ADGRL2: variants seen among roughly 807,000 people sequenced by gnomAD.
ADGRL2 encodes the protein adhesion G protein-coupled receptor L2, also known as calcium-independent alpha-latrotoxin receptor 2.
In ADGRL2, 44 loss-of-function variants were observed where a neutral mutation model predicts 157.4. The observed-to-expected ratio is 0.28, with a 90% CI of 0.22 to 0.36. The LOEUF (loss-of-function observed/expected upper bound fraction) is 0.36, where lower values mean the gene tolerates loss of function less well. ADGRL2 is among the 10% of genes least tolerant of loss of function. ADGRL2 has a pLI of 1.00. For missense variants in ADGRL2, 1,510 were observed against 1,768.9 expected (o/e 0.85, Z 2.63); for synonymous variants, 585 against 624.7 (o/e 0.94, Z 0.95).
At chr1:81,889,066 A>G (rs1018444732) in intron 2 of ADGRL2, among the ~76,000 whole-genome samples, 7 of 152,082 alleles carry the variant, frequency 4.6e-5, no homozygotes, top group African/African-American at 9.7e-5. Flanking sequence ...TCCCCCTCTC[A>G]TCAGGCCTCC....
Position 81,721,714 on chromosome 1 carries a change from C to T in ADGRL2, c.-143+21906C>T, listed in dbSNP as rs372541880. ...GACCATGGACCCCCCGCAAAGTGAA[C>T]GAGCAGGCCCTTGTGAAAATGTGTA... On this transcript the variant is annotated intron_variant, in intron 1 of 20. Transcript: ENST00000359929. 8.7e-6 allele frequency: 12 copies of T among 1,384,180 alleles called. No individual in the cohort carries two copies. The African/African-American group carries it at 1.3e-4, about 15-fold the overall frequency. 85.7% of individuals were successfully genotyped at this position (1,384,180 alleles called of 1,614,324 possible).
At chr1:81,589,598 T>G (rs552469874) in intron 3 of ADGRL2, among the ~76,000 whole-genome samples, 1 of 152,202 alleles carries the variant, frequency 6.6e-6, no homozygotes, top group Non-Finnish European at 1.5e-5. Context: ...TCCATCTAAT[T>G]TGTGTATGGT....
At chr1:81,459,939 G>C (rs12035847) in intron 2 of ADGRL2, among the ~76,000 whole-genome samples, 1 of 151,816 alleles carries the variant, frequency 6.6e-6, no homozygotes, top group African/African-American at 2.4e-5. Flanking sequence ...TTCTATAGCA[G>C]CTGCACAATT....
At chr1:81,529,865 A>T (rs2079557190) in intron 2 of ADGRL2, among the ~76,000 whole-genome samples, 1 of 152,230 alleles carries the variant, frequency 6.6e-6, no homozygotes, top group African/African-American at 2.4e-5. Context: ...GATTTACTGT[A>T]TGGAAGTAGT....
rs1345907349 is a variant in ADGRL2, at chr1:81,950,102, G to A, written c.1211-87G>A. 4 of 1,033,578 alleles carry A rather than the reference G, an allele frequency of 3.9e-6. No homozygotes were observed. The African/African-American group carries it at 6.4e-5, about 16-fold the overall frequency. The allele number at this position is 1,033,578 out of a possible 1,614,324, so 64.0% of individuals were successfully genotyped here. On this transcript the variant is annotated intron_variant, in intron 6 of 23. Coordinates refer to ENST00000686636, the MANE Select transcript of ADGRL2 (RefSeq NM_001366006.2). ...CAGATGGGTAGGGTTTTGTGTGTGT[G>A]TGTGCATGCACACATTCCATGTGTG...
chr1:81,434,622 G>T (rs1313576331), intron 1 of ADGRL2, among the ~76,000 whole-genome samples: 2 of 152,032 alleles, frequency 1.3e-5, no homozygotes, highest in East Asian at 3.8e-4. Flanking sequence ...GTAGAAATTG[G>T]GAGTGAGGGA....
chr1:81,980,896 T>G lies in ADGRL2; in HGVS notation c.3114-912T>G. 4.9e-6 allele frequency: 3 copies of G among 616,916 alleles called. No individual in the cohort carries two copies. The Admixed American group carries it at 6.7e-5, about 14-fold the overall frequency. 38.2% of individuals were successfully genotyped at this position (616,916 alleles called of 1,614,324 possible). A position where few individuals can be genotyped will look rare whatever the true frequency, so the allele number is the denominator to read the frequency against. ...GGCATGATTTGTATTTTTTACAAAT[T>G]CGTCAGTATCATGAATTGCCCTTAA... On this transcript the variant is annotated intron_variant, in intron 18 of 23. Coordinates refer to ENST00000686636, the MANE Select transcript of ADGRL2 (RefSeq NM_001366006.2).
intron 1 of ADGRL2, among the ~76,000 whole-genome samples, chr1:81,823,463 A>C (rs1442824063): frequency 6.7e-6 from 1 of 148,566 alleles, no homozygotes; most frequent in African/African-American, 2.5e-5. Flanking sequence ...TTATTGTCAA[A>C]AACATTTATT....
intron 1 of ADGRL2, among the ~76,000 whole-genome samples, chr1:81,315,430 T>TG (rs1215350676): frequency 6.6e-6 from 1 of 152,146 alleles, no homozygotes. Flanking sequence ...CTCTTACCAC[T>TG]GGGGGTCTTT....
At chr1:81,636,174 G>C (rs1346186349) in intron 3 of ADGRL2, among the ~76,000 whole-genome samples, 1 of 152,238 alleles carries the variant, frequency 6.6e-6, no homozygotes, top group South Asian at 2.1e-4. Context: ...TGTTACATCA[G>C]AGAGTCTGTA....
intron 2 of ADGRL2, among the ~76,000 whole-genome samples, chr1:81,508,658 A>C (rs1286193614): frequency 6.6e-6 from 1 of 152,230 alleles, no homozygotes; most frequent in Admixed American, 6.5e-5. Flanking sequence ...CCCTACCTAC[A>C]TGAAGCCCTA....
chr1:81,733,036 A>T (rs1297375213), intron 1 of ADGRL2, among the ~76,000 whole-genome samples: 1 of 152,222 alleles, frequency 6.6e-6, no homozygotes, highest in Non-Finnish European at 1.5e-5. Flanking sequence ...TGCATTTATC[A>T]AGCTACTTGA....
intron 1 of ADGRL2, among the ~76,000 whole-genome samples, chr1:81,340,387 G>A (rs1174336965): frequency 6.6e-6 from 1 of 152,096 alleles, no homozygotes; most frequent in Non-Finnish European, 1.5e-5. Context: ...CCCAACTTGT[G>A]CTTGCCCCAG....
chr1:81,618,227 C>T (rs2081706915), intron 3 of ADGRL2, among the ~76,000 whole-genome samples: 1 of 152,076 alleles, frequency 6.6e-6, no homozygotes, highest in Non-Finnish European at 1.5e-5. Flanking sequence ...ATATCAAATC[C>T]TCCAGAAACA....
At chr1:81,372,182 T>C (rs908118007) in intron 1 of ADGRL2, among the ~76,000 whole-genome samples, 2 of 152,196 alleles carry the variant, frequency 1.3e-5, no homozygotes, top group Non-Finnish European at 2.9e-5. Flanking sequence ...TCAATCAACT[T>C]TTTTAAAATG....
intron 3 of ADGRL2, among the ~76,000 whole-genome samples, chr1:81,608,087 T>A (rs1255097660): frequency 6.6e-6 from 1 of 152,228 alleles, no homozygotes; most frequent in African/African-American, 2.4e-5. Context: ...TGGGTTTCAC[T>A]GTACTGGCAA....
intron 1 of ADGRL2, among the ~76,000 whole-genome samples, chr1:81,719,651 C>T (rs2084231638): frequency 6.6e-6 from 1 of 152,102 alleles, no homozygotes; most frequent in Non-Finnish European, 1.5e-5. Context: ...TTACTCTCTC[C>T]AGTCTTCCAC....
chr1:81,399,116 C>T lies in ADGRL2; in HGVS notation c.-301-45920C>T, dbSNP rs556088455. On this transcript the variant is annotated intron_variant, in intron 1 of 24. Transcript: ENST00000370721. Reference sequence around the variant, plus strand: ...GTGAAGGGGAAGCAAGCACATCTTACCATGGCAAAGCAAAAGAGAGAGAGA... The same window carrying T: ...GTGAAGGGGAAGCAAGCACATCTTATCATGGCAAAGCAAAAGAGAGAGAGA... Among the ~76,000 whole-genome samples, 19 of 152,220 alleles carry T rather than the reference C, an allele frequency of 1.2e-4. No homozygotes were observed. In the South Asian group the frequency reaches 2.3e-3, roughly 18 times the overall value.
At chr1:81,472,331 A>T (rs2078187791) in intron 2 of ADGRL2, among the ~76,000 whole-genome samples, 1 of 152,236 alleles carries the variant, frequency 6.6e-6, no homozygotes, top group Non-Finnish European at 1.5e-5. Flanking sequence ...GCCTAAAAGA[A>T]ATCTTGCATT....
Sources: gnomAD v4.1 joint callset for allele counts (sites outside exome capture counted in the v4.1 genomes callset) on GRCh38, gnomAD v4.1.1 for gene constraint, MANE v1.5 for transcripts, NCBI Gene and HGNC (gene_info 2026-07-23, HGNC 2026-07-21) for gene names.